The following COPA variants were observed in gnomAD, a reference collection of about 807,000 sequenced individuals.
COPA encodes coat protein complex I subunit alpha, also known as coatomer subunit alpha.
Under a neutral mutation model 158.7 loss-of-function variants are expected in COPA, and 10 were observed. The observed-to-expected ratio is 0.06, with a 90% CI of 0.04 to 0.11. COPA has a LOEUF of 0.11. COPA is among the 10% of genes least tolerant of loss of function. The pLI is 1.00. For synonymous variants in COPA, 462 were observed against 542.8 expected, an observed-to-expected ratio of 0.85 and a Z score of 2.07; for missense variants, 1,065 against 1,536.7, an observed-to-expected ratio of 0.69 and a Z score of 5.13.
chr1:160,290,721 G>C (rs991674708), intron 31 of COPA, 35 bp from the exon 32 acceptor site: 1 of 1,599,490 alleles, frequency 6.3e-7, no homozygotes. Context: ...GAGGACAGAA[G>C]GCTGCAGACA....
chr1:160,306,747 G>C (rs932585410), intron 14 of COPA, among the ~76,000 whole-genome samples: 3 of 152,160 alleles, frequency 2.0e-5, no homozygotes, highest in Admixed American at 1.3e-4. Context: ...CAATGAATGA[G>C]AGAGAGAAAA....
In COPA at chr1:160,335,333, A is replaced by G. The variant is rs1472356957; in HGVS notation, c.229-11T>C. ...CTTGTAATTCCAAACCTGCAAAGACAAATCAAACTAAGAAACAGAAATAGT... is the reference window on the plus strand; with the variant it reads ...CTTGTAATTCCAAACCTGCAAAGACGAATCAAACTAAGAAACAGAAATAGT... On this transcript the variant is annotated splice_polypyrimidine_tract_variant and intron_variant, in intron 3 of 32. Transcript: ENST00000241704. 1.9e-6 allele frequency: 3 copies of G among 1,604,362 alleles called. No homozygotes were observed. Among genetic ancestry groups the G allele is most frequent in the African/African-American group, 2.7e-5 (2 of 74,496 alleles).
intron 19 of COPA, 136 bp downstream of exon 19, chr1:160,298,709 C>A (rs774766864): frequency 5.5e-6 from 6 of 1,081,334 alleles, no homozygotes; most frequent in Non-Finnish European, 7.9e-6. Flanking sequence ...GAAGATGGCT[C>A]AATGTAACAA....
At chr1:160,307,653 T>A (rs1658833650) in intron 13 of COPA, among the ~76,000 whole-genome samples, 1 of 152,162 alleles carries the variant, frequency 6.6e-6, no homozygotes, top group Non-Finnish European at 1.5e-5. Flanking sequence ...AACATGCAAA[T>A]GCAGACTTCC....
At chr1:160,308,272 C>G (rs1658855804) in intron 13 of COPA, among the ~76,000 whole-genome samples, 1 of 152,036 alleles carries the variant, frequency 6.6e-6, no homozygotes, top group East Asian at 1.9e-4. Flanking sequence ...GAGACTTTGA[C>G]TTATGGATAC....
intron 25 of COPA, 55 bp from the exon 26 acceptor site, chr1:160,293,518 A>G: frequency 7.7e-7 from 1 of 1,305,782 alleles, no homozygotes; most frequent in Non-Finnish European, 1.1e-6. Context: ...TTTTTGAGAC[A>G]GGGTCACACT....
At chr1:160,290,337 T>C (rs950309186) in intron 32 of COPA, 121 bp from the exon 33 acceptor site, 6 of 1,382,020 alleles carry the variant, frequency 4.3e-6, no homozygotes, top group Non-Finnish European at 6.1e-6. Context: ...CATCACTGAC[T>C]GGCCAAGAGC....
intron 6 of COPA, among the ~76,000 whole-genome samples, chr1:160,330,846 T>C (rs1205312881): frequency 2.0e-5 from 3 of 152,066 alleles, no homozygotes; most frequent in African/African-American, 7.2e-5. Flanking sequence ...TTCAAAGAAC[T>C]CAAATCTCCA....
chr1:160,301,785 A>G (rs1445054770), intron 17 of COPA, among the ~76,000 whole-genome samples: 1 of 152,148 alleles, frequency 6.6e-6, no homozygotes, highest in Non-Finnish European at 1.5e-5. Flanking sequence ...GTTAAATTAC[A>G]TTAATTTAAT....
intron 6 of COPA, among the ~76,000 whole-genome samples, chr1:160,330,884 A>C (rs942422633): frequency 6.6e-6 from 1 of 152,154 alleles, no homozygotes; most frequent in Non-Finnish European, 1.5e-5. Context: ...GAATACAAAG[A>C]AACAACAGGC....
Position 160,292,464 on chromosome 1 carries a change from CAA to C in COPA, c.2960+18_2960+19del, listed in dbSNP as rs760940143. ...GACCACAACTTGGAACAGATGAAAG[CAA>C]AGAGAAAAGGGCCTTACCAGTTGCG... is the stretch of plus-strand genomic sequence containing the variant. On this transcript the variant is annotated intron_variant, in intron 28 of 32. Transcript: ENST00000241704. The C allele has an allele frequency of 6.2e-7, 1 of 1,612,882 alleles. No individual in the cohort carries two copies. The highest frequency in any genetic ancestry group is 1.1e-5 in the South Asian group (1 of 90,944).
rs892339905 is a variant in COPA, at chr1:160,306,287, T to C, written c.1442+67A>G. ...GACAAACTCACTTGGGGAAAAAAGG[T>C]TCCCACTAAAGATGTCCACTCTCCC... On this transcript the variant is annotated intron_variant, in intron 15 of 32. Transcript: ENST00000241704. The C allele has an allele frequency of 4.0e-6, 6 of 1,502,890 alleles. No homozygotes were observed. In the African/African-American group the frequency reaches 7.0e-5, roughly 18 times the overall value. 93.1% of individuals were successfully genotyped at this position (1,502,890 alleles called of 1,614,324 possible). A position where few individuals can be genotyped will look rare whatever the true frequency, so the allele number is the denominator to read the frequency against.
intron 8 of COPA, among the ~76,000 whole-genome samples, chr1:160,319,293 G>T (rs1267826155): frequency 1.3e-5 from 2 of 151,742 alleles, no homozygotes; most frequent in African/African-American, 4.8e-5. Flanking sequence ...GACAAAGAAG[G>T]TCACTATATA....
Position 160,325,627 on chromosome 1 carries a change from A to G in COPA, c.522T>C (p.Pro174=). 3 of 1,614,194 alleles carry G rather than the reference A, an allele frequency of 1.9e-6. No homozygotes were observed. The highest frequency in any genetic ancestry group is 2.5e-6 in the Non-Finnish European group (3 of 1,180,030). The change falls in exon 7 of 33, where the codon CCT becomes CCC. Residue 174 remains proline (P), a synonymous_variant. Transcript: ENST00000241704. ...ISGLRKKNLS[P]GAVESDVRGI... Reference sequence around the variant, plus strand: ...CTCTCACATCCGATTCCACCGCACCAGGGGACAGGTTTTTTTTCCTCAGAC... The same window carrying G: ...CTCTCACATCCGATTCCACCGCACCGGGGGACAGGTTTTTTTTCCTCAGAC...
At chr1:160,339,717 C>T in intron 3 of COPA, 192 bp downstream of exon 3, 6 of 500,060 alleles carry the variant, frequency 1.2e-5, no homozygotes, top group South Asian at 3.2e-5. Flanking sequence ...TTTTGAATTC[C>T]CTAAAAAGAA....
Position 160,296,133 on chromosome 1 carries a change from G to C in COPA, c.2280C>G (p.Leu760=). Residue 760 remains leucine (L), a synonymous_variant, in exon 22 of 33, where the codon CTC becomes CTG. Coordinates refer to ENST00000241704, the MANE Select transcript of COPA (RefSeq NM_004371.4). The part of the protein sequence containing the change: ...KNCGQKSLAY[L]TAATHGLDEE... ...CATCTAAGCCATGGGTAGCAGCTGT[G>C]AGATAGGCCAGGGACTCTGTAGAGA... The C allele has an allele frequency of 1.2e-6, 2 of 1,614,142 alleles. No individual in the cohort carries two copies.
At chr1:160,291,158 A>G (rs1448695143) in intron 31 of COPA, among the ~76,000 whole-genome samples, 177 bp downstream of exon 31, 1 of 152,158 alleles carries the variant, frequency 6.6e-6, no homozygotes, top group Non-Finnish European at 1.5e-5. Context: ...TAAACTATTA[A>G]TTTTCCAGGA....
At chr1:160,342,013 C>G (rs1016493477) in intron 1 of COPA, among the ~76,000 whole-genome samples, 5 of 152,184 alleles carry the variant, frequency 3.3e-5, no homozygotes, top group Non-Finnish European at 5.9e-5. Flanking sequence ...CTTTCAAGGT[C>G]AAGTTTCCCA....
chr1:160,292,426 C>T (rs779556799), intron 28 of COPA, 58 bp downstream of exon 28: 1 of 1,607,756 alleles, frequency 6.2e-7, no homozygotes, highest in Non-Finnish European at 8.5e-7. Context: ...CTGAGGCTAC[C>T]ATCTGAAATA....
Sources: allele counts gnomAD v4.1 joint callset (sites outside exome capture counted in the v4.1 genomes callset), GRCh38; gene constraint gnomAD v4.1.1; transcripts MANE v1.5; gene names NCBI Gene and HGNC (gene_info 2026-07-23, HGNC 2026-07-21).